AMELX: variants seen among roughly 807,000 people sequenced by gnomAD.
The protein encoded by AMELX is amelogenin, X isoform.
AMELX carries 9 observed loss-of-function variants against 15.8 expected under a neutral mutation model. The ratio of observed to expected loss-of-function variants is 0.57; its 90% CI spans 0.34 to 0.99. The LOEUF is 0.99. Among genes scored for constraint, AMELX ranks in the 50% least tolerant of loss-of-function variants. The pLI, the probability that AMELX is intolerant of heterozygous loss-of-function variation, is 0.02. For missense variants in AMELX, 107 were observed against 156.2 expected (o/e 0.68, Z 1.68); for synonymous variants, 61 against 58.8 (o/e 1.04, Z -0.17).
rs201127558 is a variant in AMELX at position 11,298,862 on chromosome X, G to A, written c.459G>A (p.Pro153=). The A allele has an allele frequency of 1.2e-5, 14 of 1,208,305 alleles. No individual in the cohort carries two copies. Among genetic ancestry groups the A allele is most frequent in the African/African-American group, 3.5e-5 (2 of 56,777 alleles). The change falls in exon 5 of 6, where the codon CCG becomes CCA. Residue 153 remains proline, a synonymous_variant. Transcript: ENST00000380714. ...CTGTGCACCCCATGCAGCCCCTGCC[G>A]CCACAGCCACCTCTGCCTCCGATGT... The part of the protein sequence containing the change: ...QPPVHPMQPL[P]PQPPLPPMFP...
chrX:11,307,676 AT>A, the AMELX span, among the ~76,000 whole-genome samples: 1 of 112,622 alleles, frequency 8.9e-6, no homozygotes, highest in Middle Eastern at 4.6e-3. Context: ...ACAATTCTCA[AT>A]TTTTAAAGTA....
At chrX:11,306,099 C>A in the AMELX span, among the ~76,000 whole-genome samples, 3 of 111,679 alleles carry the variant, frequency 2.7e-5, no homozygotes, top group Non-Finnish European at 3.8e-5. Flanking sequence ...TAGAAATCTT[C>A]TCTCACTGCT....
At chrX:11,295,707 G>A (rs2048074006) in intron 2 of AMELX, among the ~76,000 whole-genome samples, 1 of 111,622 alleles carries the variant, frequency 9.0e-6, no homozygotes, top group African/African-American at 3.3e-5. Flanking sequence ...TTTCCTCAGG[G>A]GTCCCTGCCT....
In AMELX at chrX:11,296,058, G is replaced by A. The variant is rs184827613; in HGVS notation, c.55-721G>A. Among the ~76,000 whole-genome samples, 159 of 111,804 alleles carry A rather than the reference G, an allele frequency of 1.4e-3. 1 individual carries two copies. Among genetic ancestry groups the A allele is most frequent in the African/African-American group, 4.8e-3 (148 of 30,750 alleles). On this transcript the variant is annotated intron_variant, in intron 2 of 5. Coordinates refer to ENST00000380714, the MANE Select transcript of AMELX (RefSeq NM_001142.2). The stretch of plus-strand genomic sequence containing the variant: ...TTGAAAATTTTTCTGCCATAAAACC[G>A]TTGGCAGAATAATAAAAAAAGATCG...
chrX:11,299,498 G>T (rs2048142143), intron 5 of AMELX, among the ~76,000 whole-genome samples: 1 of 111,920 alleles, frequency 8.9e-6, no homozygotes, highest in South Asian at 3.7e-4. Flanking sequence ...CTTGGAGGCG[G>T]CTAAACTAAA....
chrX:11,296,425 T>G (rs1381419051), intron 2 of AMELX, among the ~76,000 whole-genome samples: 1 of 111,401 alleles, frequency 9.0e-6, no homozygotes, highest in Admixed American at 9.5e-5. Context: ...TAGGGTAGGA[T>G]TCATTGAAAA....
chrX:11,298,745 C>A lies in AMELX; in HGVS notation c.342C>A (p.His114Gln). 8.3e-7 allele frequency: 1 copy of A among 1,211,451 alleles called. No homozygotes were observed. The highest frequency in any genetic ancestry group is 1.1e-6 in the Non-Finnish European group (1 of 895,414). Residue 114 changes from histidine to glutamine, a missense_variant, in exon 5 of 6, where the codon CAC becomes CAA. By Grantham distance (24) the His-to-Gln change is conservative. Transcript: ENST00000380714. ...PGQHSMTPIQ[H>Q]HQPNLPPPAQ... is the part of the protein sequence containing the mutation. ...AACACTCCATGACTCCAATCCAACACCACCAGCCAAACCTCCCTCCGCCCG... is the reference window on the plus strand; with the variant it reads ...AACACTCCATGACTCCAATCCAACAACACCAGCCAAACCTCCCTCCGCCCG...
chrX:11,300,639 A>G lies in AMELX; in HGVS notation c.*27A>G. 8.4e-7 allele frequency: 1 copy of G among 1,188,426 alleles called. No individual in the cohort carries two copies. Among genetic ancestry groups the G allele is most frequent in the Non-Finnish European group, 1.1e-6 (1 of 875,397 alleles). ...AGATCAGAAGATGAGAGGGGAATGA[A>G]TACTTCAGATGCTTTCAGGAGTGAC... is the stretch of plus-strand genomic sequence containing the variant. On this transcript the variant is annotated 3_prime_UTR_variant, in exon 6 of 6. Coordinates refer to ENST00000380714, the MANE Select transcript of AMELX (RefSeq NM_001142.2).
At chrX:11,297,753 G>T (rs982306389) in intron 3 of AMELX, among the ~76,000 whole-genome samples, 2 of 112,202 alleles carry the variant, frequency 1.8e-5, no homozygotes, top group Non-Finnish European at 3.8e-5. Flanking sequence ...CAGTCAATCT[G>T]TGTTTCTAGG....
chrX:11,299,085 A>G, intron 5 of AMELX, 112 bp downstream of exon 5: 1 of 941,268 alleles, frequency 1.1e-6, no homozygotes, highest in Non-Finnish European at 1.5e-6. Flanking sequence ...TGTAGTAGTT[A>G]CAGGTCTATG....
chrX:11,299,786 T>C (rs764111119), intron 5 of AMELX, among the ~76,000 whole-genome samples: 14 of 111,872 alleles, frequency 1.3e-4, no homozygotes, highest in African/African-American at 4.2e-4. Flanking sequence ...GAGGTGGAAA[T>C]GACCAGGATA....
At chrX:11,299,266 C>A (rs778814190) in intron 5 of AMELX, among the ~76,000 whole-genome samples, 1 of 111,912 alleles carries the variant, frequency 8.9e-6, no homozygotes, top group East Asian at 2.8e-4. Context: ...TATTACTAAA[C>A]CCCATGAATT....
At chrX:11,296,387 T>C (rs1162653715) in intron 2 of AMELX, among the ~76,000 whole-genome samples, 1 of 111,953 alleles carries the variant, frequency 8.9e-6, no homozygotes, top group African/African-American at 3.2e-5. Context: ...GGGGTGAGTT[T>C]TATCAGCAAG....
At chrX:11,294,631 A>C in intron 1 of AMELX, 146 bp from the exon 2 acceptor site, 1 of 629,571 alleles carries the variant, frequency 1.6e-6, no homozygotes. Flanking sequence ...GCTGGAAATC[A>C]CATATGACTG....
the AMELX span, among the ~76,000 whole-genome samples, chrX:11,309,282 TC>T: frequency 9.0e-6 from 1 of 111,295 alleles, no homozygotes; most frequent in Non-Finnish European, 1.9e-5. Context: ...TAGCAGCAGC[TC>T]CAGGCAGTAG....
intron 1 of AMELX, 144 bp from the exon 2 acceptor site, chrX:11,294,633 A>G (rs1372990217): frequency 7.8e-6 from 5 of 640,056 alleles, no homozygotes; most frequent in Non-Finnish European, 1.3e-5. Flanking sequence ...TGGAAATCAC[A>G]TATGACTGAA....
chrX:11,304,940 C>T (rs1357560969), downstream of AMELX, among the ~76,000 whole-genome samples: 1 of 108,073 alleles, frequency 9.3e-6, no homozygotes, highest in African/African-American at 3.4e-5. Flanking sequence ...CCAGGCACCA[C>T]CATGCCTGGC....
At chrX:11,300,073 G>A (rs1454021465) in intron 5 of AMELX, among the ~76,000 whole-genome samples, 3 of 111,455 alleles carry the variant, frequency 2.7e-5, no homozygotes, top group Non-Finnish European at 3.8e-5. Context: ...CCAAGTAATC[G>A]GTGCCTATCA....
downstream of AMELX, among the ~76,000 whole-genome samples, chrX:11,302,580 T>C (rs760350026): frequency 9.0e-5 from 10 of 111,672 alleles, no homozygotes; most frequent in Non-Finnish European, 1.5e-4. Context: ...TTCAAACTAA[T>C]AGTGCAACAT....
Sources: gnomAD v4.1 joint callset for allele counts (sites outside exome capture counted in the v4.1 genomes callset) on GRCh38, gnomAD v4.1.1 for gene constraint, MANE v1.5 for transcripts, NCBI Gene and HGNC (gene_info 2026-07-23, HGNC 2026-07-21) for gene names.